Variants in TMEM132B observed in about 807,000 individuals in gnomAD.
TMEM132B encodes the protein transmembrane protein 132B.
In TMEM132B, 18 loss-of-function variants were observed where a neutral mutation model predicts 90.8. The observed-to-expected ratio is 0.20, with a 90% CI of 0.14 to 0.29. The LOEUF (loss-of-function observed/expected upper bound fraction) is 0.29. Among genes scored for constraint, TMEM132B ranks in the 10% least tolerant of loss-of-function variants. The pLI is 1.00. For synonymous variants in TMEM132B, 504 were observed against 523.3 expected (o/e 0.96, Z 0.50); for missense variants, 1,096 against 1,326.8 (o/e 0.83, Z 2.70).
intron 1 of TMEM132B, among the ~76,000 whole-genome samples, chr12:125,244,301 C>T (rs1874158433): frequency 6.6e-6 from 1 of 152,196 alleles, no homozygotes; most frequent in South Asian, 2.1e-4. Context: ...GACAGGGCAG[C>T]TCCATCTTCA....
At chr12:125,496,898 A>G (rs919975608) in intron 3 of TMEM132B, among the ~76,000 whole-genome samples, 1 of 152,188 alleles carries the variant, frequency 6.6e-6, no homozygotes, top group Non-Finnish European at 1.5e-5. Flanking sequence ...GCTTTTCATA[A>G]CAAGCATATT....
At chr12:125,199,980 C>T (rs944497824) in intron 1 of TMEM132B, among the ~76,000 whole-genome samples, 2 of 152,090 alleles carry the variant, frequency 1.3e-5, no homozygotes, top group African/African-American at 4.8e-5. Context: ...TGCTAAAAAT[C>T]CGGGTTTCTG....
intron 5 of TMEM132B, among the ~76,000 whole-genome samples, chr12:125,594,118 T>G (rs1195175146): frequency 6.6e-6 from 1 of 152,208 alleles, no homozygotes; most frequent in African/African-American, 2.4e-5. Context: ...CTGAAGATTT[T>G]CATTTTATAA....
At chr12:125,233,516 C>G (rs1056550675) in intron 1 of TMEM132B, among the ~76,000 whole-genome samples, 3 of 152,210 alleles carry the variant, frequency 2.0e-5, no homozygotes, top group African/African-American at 7.2e-5. Flanking sequence ...TTACTTATAT[C>G]TCATTGACCA....
chr12:125,383,932 A>G (rs1400497151), intron 2 of TMEM132B, among the ~76,000 whole-genome samples: 4 of 151,722 alleles, frequency 2.6e-5, no homozygotes, highest in Admixed American at 2.6e-4. Flanking sequence ...AAGATTAGAA[A>G]CTCTCTGTAT....
At chr12:125,335,156 A>C (rs1177812375) in intron 1 of TMEM132B, among the ~76,000 whole-genome samples, 1 of 152,222 alleles carries the variant, frequency 6.6e-6, no homozygotes, top group Non-Finnish European at 1.5e-5. Flanking sequence ...GTAATTGCTC[A>C]AATGTCTGGT....
At chr12:125,575,970 A>G (rs761564346) in intron 4 of TMEM132B, among the ~76,000 whole-genome samples, 6 of 151,974 alleles carry the variant, frequency 3.9e-5, no homozygotes, top group African/African-American at 1.2e-4. Flanking sequence ...TGCCTCTTTC[A>G]TCTCCATATG....
rs1886702928 is a variant in TMEM132B, at chr12:125,644,214, A to G, written c.1576A>G (p.Ile526Val). 1.9e-6 allele frequency: 3 copies of G among 1,614,186 alleles called. No individual in the cohort carries two copies. The highest frequency in any genetic ancestry group is 2.5e-6 in the Non-Finnish European group (3 of 1,180,026). Reference protein sequence around the residue: ...TVWAPRLPLQIEISDTELSQI... With the variant: ...TVWAPRLPLQVEISDTELSQI... ...CTGGGCACCCAGGCTCCCCCTGCAG[A>G]TTGAGATCTCAGACACCGAGCTGAG... The change falls in exon 6 of 9, where the codon ATT becomes GTT. Residue 526 changes from isoleucine to valine, a missense_variant. Ile to Val is a conservative substitution (Grantham distance 29). Transcript: ENST00000682704.
chr12:125,401,001 G>A (rs1229536090), intron 2 of TMEM132B, among the ~76,000 whole-genome samples: 1 of 152,110 alleles, frequency 6.6e-6, no homozygotes, highest in African/African-American at 2.4e-5. Context: ...GTCTCTAGAG[G>A]TTTGGTCCCA....
chr12:125,208,593 G>T (rs1169790678), intron 1 of TMEM132B, among the ~76,000 whole-genome samples: 1 of 152,156 alleles, frequency 6.6e-6, no homozygotes, highest in Non-Finnish European at 1.5e-5. Context: ...ACATTTCGAG[G>T]TTTATCTCTG....
chr12:125,311,771 G>A (rs1296390906), intron 1 of TMEM132B, among the ~76,000 whole-genome samples: 1 of 152,188 alleles, frequency 6.6e-6, no homozygotes, highest in Non-Finnish European at 1.5e-5. Flanking sequence ...GCAGGGGCAG[G>A]GAGGTTGGGT....
At chr12:125,370,746 T>A (rs532730223) in intron 2 of TMEM132B, among the ~76,000 whole-genome samples, 1 of 152,114 alleles carries the variant, frequency 6.6e-6, no homozygotes, top group Non-Finnish European at 1.5e-5. Flanking sequence ...AAATGGGTAA[T>A]GGATATTGGG....
At chr12:125,623,676 C>G (rs1220684213) in intron 5 of TMEM132B, among the ~76,000 whole-genome samples, 2 of 152,194 alleles carry the variant, frequency 1.3e-5, no homozygotes, top group African/African-American at 4.8e-5. Flanking sequence ...GCAAACCCTA[C>G]TGTCCTAATC....
At chr12:125,399,396 T>G (rs534075376) in intron 2 of TMEM132B, among the ~76,000 whole-genome samples, 1 of 151,934 alleles carries the variant, frequency 6.6e-6, no homozygotes, top group Non-Finnish European at 1.5e-5. Flanking sequence ...GTTTAGATAC[T>G]TGGGGCCAAG....
Position 125,548,350 on chromosome 12 carries a change from G to T in TMEM132B, c.1293+28725G>T, listed in dbSNP as rs532732524. Among the ~76,000 whole-genome samples the T allele has an allele frequency of 6.6e-5, 10 of 152,272 alleles. No homozygotes were observed. The South Asian group carries it at 2.1e-3, about 32-fold the overall frequency. ...GGCAGATATCTCAGAATATTTGGTGGCCAAAAATTGATATTAATGACTATA... is the reference window on the plus strand; with the variant it reads ...GGCAGATATCTCAGAATATTTGGTGTCCAAAAATTGATATTAATGACTATA... On this transcript the variant is annotated intron_variant, in intron 4 of 8. Coordinates refer to ENST00000682704, the MANE Select transcript of TMEM132B (RefSeq NM_001366854.1).
chr12:125,595,246 T>C (rs182802438), intron 5 of TMEM132B, among the ~76,000 whole-genome samples: 403 of 152,306 alleles, frequency 2.6e-3, no homozygotes, highest in Admixed American at 4.4e-3. Context: ...TTCCCGTCAC[T>C]AGCACTGCAC....
Position 125,652,563 on chromosome 12 carries a change from A to G in TMEM132B, c.2037A>G (p.Pro679=), listed in dbSNP as rs761481201. The change falls in exon 8 of 9, where the codon CCA becomes CCG. Residue 679 remains proline, a synonymous_variant. Coordinates refer to ENST00000682704, the MANE Select transcript of TMEM132B (RefSeq NM_001366854.1). ...CTGGCATGTCTCTCTCCCTGCAGCC[A>G]CACCGAGCAGACAAAAGGGCCATCG... ...LVAGMSLSLQ[P]HRADKRAIVS... is the part of the protein sequence containing the mutation. 2.5e-5 allele frequency: 40 copies of G among 1,613,628 alleles called. No individual in the cohort carries two copies. Among genetic ancestry groups the G allele is most frequent in the Non-Finnish European group, 2.9e-5 (34 of 1,179,774 alleles).
intron 3 of TMEM132B, among the ~76,000 whole-genome samples, chr12:125,468,149 T>C (rs1344093110): frequency 1.3e-5 from 2 of 152,188 alleles, no homozygotes; most frequent in African/African-American, 2.4e-5. Flanking sequence ...CTGGGTCATA[T>C]GGTAACTCTA....
chr12:125,635,396 G>A (rs1017402185), intron 5 of TMEM132B, among the ~76,000 whole-genome samples: 9 of 152,102 alleles, frequency 5.9e-5, no homozygotes, highest in Non-Finnish European at 1.0e-4. Context: ...GCAGTGTTTG[G>A]TTTTCTGTTC....
Sources: gnomAD v4.1 joint callset for allele counts (sites outside exome capture counted in the v4.1 genomes callset) on GRCh38, gnomAD v4.1.1 for gene constraint, MANE v1.5 for transcripts, NCBI Gene and HGNC (gene_info 2026-07-23, HGNC 2026-07-21) for gene names.